The following RALGPS2 variants were observed in gnomAD, a reference collection of about 807,000 sequenced individuals.
RALGPS2 encodes Ral GEF with PH domain and SH3 binding motif 2, also known as ras-specific guanine nucleotide-releasing factor RalGPS2.
In RALGPS2, 43 loss-of-function variants were observed where a neutral mutation model predicts 86.8. The observed-to-expected ratio is 0.50, with a 90% confidence interval of 0.39 to 0.64. RALGPS2 has a LOEUF of 0.64. Ranked by LOEUF, RALGPS2 falls within the 30% of genes least tolerant of loss-of-function variation. The pLI, the probability that RALGPS2 is intolerant of heterozygous loss-of-function variation, is 0.00. For synonymous variants in RALGPS2, 243 were observed against 231.3 expected, an observed-to-expected ratio of 1.05 and a Z score of -0.46; for missense variants, 536 against 694.6, an observed-to-expected ratio of 0.77 and a Z score of 2.57.
At chr1:178,872,969 G>A (rs1053402792) in intron 8 of RALGPS2, among the ~76,000 whole-genome samples, 4 of 152,128 alleles carry the variant, frequency 2.6e-5, no homozygotes, top group African/African-American at 9.7e-5. Flanking sequence ...GAAGGTTAAT[G>A]ACAGACCATG....
Position 178,851,227 on chromosome 1 carries a change from A to G in RALGPS2, c.607+17677A>G, listed in dbSNP as rs770034835. 7.4e-6 allele frequency: 12 copies of G among 1,614,020 alleles called. No homozygotes were observed. The East Asian group carries it at 2.5e-4, about 33-fold the overall frequency. ...ATTCCATCTTGGTGCTTGCTTCTGT[A>G]ATGGCCTCCTCTGTACCATACTCCA... On this transcript the variant is annotated intron_variant, in intron 8 of 19. Transcript: ENST00000367635.
chr1:178,767,976 A>G (rs1652596635), intron 1 of RALGPS2, among the ~76,000 whole-genome samples: 1 of 152,160 alleles, frequency 6.6e-6, no homozygotes, highest in Non-Finnish European at 1.5e-5. Context: ...TCCTGGGCTC[A>G]TAGCGATTCC....
At chr1:178,863,338 A>G (rs750159379) in intron 8 of RALGPS2, among the ~76,000 whole-genome samples, 4 of 152,244 alleles carry the variant, frequency 2.6e-5, no homozygotes, top group Admixed American at 6.5e-5. Flanking sequence ...AAATGGTGAA[A>G]AGACAGTTAA....
rs1195146197 is a variant in RALGPS2 at position 178,857,148 on chromosome 1, A to C, written c.608-20350A>C. ...TGGGAGTGAGATGGAAGGAAAAGTA[A>C]ATTATGACTCCCAGGTTCATACTTA... On this transcript the variant is annotated intron_variant, in intron 8 of 19. Coordinates refer to ENST00000367635, the MANE Select transcript of RALGPS2 (RefSeq NM_152663.5). Among the ~76,000 whole-genome samples the C allele has an allele frequency of 3.3e-5, 5 of 152,190 alleles. No homozygotes were observed. The East Asian group carries it at 9.6e-4, about 29-fold the overall frequency.
At chr1:178,853,559 G>A (rs764481679) in intron 8 of RALGPS2, 1 of 1,467,944 alleles carries the variant, frequency 6.8e-7, no homozygotes, top group East Asian at 2.5e-5. Context: ...GAATGGATTT[G>A]TTTTACTTCC....
In RALGPS2 at chr1:178,918,173, GT is replaced by G. The variant is rs1312303696; in HGVS notation, c.*1817del. 2.0e-5 allele frequency: 3 copies of G among 152,120 alleles called. No individual in the cohort carries two copies. The highest frequency in any genetic ancestry group is 1.3e-4 in the Admixed American group (2 of 15,276). 9.4% of individuals were successfully genotyped at this position (152,120 alleles called of 1,614,324 possible). ...GTGACACAGGCTGGAGAGGACAAAA[GT>G]TTCCTGTCCTGAATGATTTTTCAAT... On this transcript the variant is annotated 3_prime_UTR_variant, in exon 20 of 20. Transcript: ENST00000367635.
At chr1:178,760,767 G>T (rs1200466220) in intron 1 of RALGPS2, among the ~76,000 whole-genome samples, 2 of 150,650 alleles carry the variant, frequency 1.3e-5, no homozygotes, top group Non-Finnish European at 2.9e-5. Flanking sequence ...GATATGCCTT[G>T]GTGATGTTCA....
intron 1 of RALGPS2, among the ~76,000 whole-genome samples, chr1:178,759,479 C>T (rs1368991210): frequency 6.8e-6 from 1 of 147,766 alleles, no homozygotes; most frequent in Admixed American, 6.7e-5. Flanking sequence ...GTTACTGTAA[C>T]TCTATAGTAT....
intron 8 of RALGPS2, among the ~76,000 whole-genome samples, chr1:178,859,907 C>T (rs532944110): frequency 5.5e-5 from 8 of 146,150 alleles, no homozygotes; most frequent in African/African-American, 1.8e-4. Context: ...TTGGTAGAGA[C>T]GGGGTTTCGC....
At chr1:178,833,348 T>C in intron 7 of RALGPS2, 76 bp from the exon 8 acceptor site, 4 of 1,308,408 alleles carry the variant, frequency 3.1e-6, no homozygotes, top group Non-Finnish European at 4.0e-6. Flanking sequence ...TCACAGTAAA[T>C]ACAACTTCAG....
chr1:178,811,687 T>C (rs971136897), intron 6 of RALGPS2, among the ~76,000 whole-genome samples: 2 of 152,186 alleles, frequency 1.3e-5, no homozygotes, highest in African/African-American at 4.8e-5. Context: ...TATGGTAAAG[T>C]ATGATATTTA....
At chr1:178,817,825 T>C (rs1273493090) in intron 6 of RALGPS2, among the ~76,000 whole-genome samples, 1 of 152,248 alleles carries the variant, frequency 6.6e-6, no homozygotes, top group Non-Finnish European at 1.5e-5. Flanking sequence ...TTGTATATCA[T>C]TATTTCTAAT....
chr1:178,802,054 G>C (rs1259098932), intron 4 of RALGPS2, among the ~76,000 whole-genome samples: 1 of 152,072 alleles, frequency 6.6e-6, no homozygotes, highest in East Asian at 1.9e-4. Context: ...ACCCTTGAAT[G>C]TCTCTGGAGT....
rs958133326 is a variant in RALGPS2 at position 178,920,030 on chromosome 1, G to C, written c.*3671G>C. On this transcript the variant is annotated 3_prime_UTR_variant, in exon 20 of 20. Coordinates refer to ENST00000367635, the MANE Select transcript of RALGPS2 (RefSeq NM_152663.5). Reference sequence around the variant, plus strand: ...TATGACTTCTTTAGTGACCTTTTAGGGTTTGCTTTTATTTTCCTCTCTTTT... The same window carrying C: ...TATGACTTCTTTAGTGACCTTTTAGCGTTTGCTTTTATTTTCCTCTCTTTT... 5 of 151,548 alleles carry C rather than the reference G, an allele frequency of 3.3e-5. No individual in the cohort carries two copies. Among genetic ancestry groups the C allele is most frequent in the African/African-American group, 1.2e-4 (5 of 41,306 alleles). The allele number at this position is 151,548 out of a possible 1,614,324, so 9.4% of individuals were successfully genotyped here.
chr1:178,894,549 G>C (rs1317703940), intron 16 of RALGPS2, among the ~76,000 whole-genome samples: 1 of 152,048 alleles, frequency 6.6e-6, no homozygotes, highest in Non-Finnish European at 1.5e-5. Flanking sequence ...GACAAAGAAA[G>C]GGAAGATTAT....
chr1:178,791,130 T>C (rs1234950288), intron 4 of RALGPS2, among the ~76,000 whole-genome samples: 1 of 152,128 alleles, frequency 6.6e-6, no homozygotes, highest in Non-Finnish European at 1.5e-5. Context: ...TTGTTTTTGT[T>C]TGTTTTTTGA....
chr1:178,803,396 AATT>A (rs569997424), intron 4 of RALGPS2, among the ~76,000 whole-genome samples: 33 of 152,236 alleles, frequency 2.2e-4, no homozygotes, highest in African/African-American at 7.5e-4. Flanking sequence ...TAAGTTTTGT[AATT>A]ATAGTAATTG....
At chr1:178,805,659 G>A (rs372586355) in intron 4 of RALGPS2, among the ~76,000 whole-genome samples, 36 of 151,952 alleles carry the variant, frequency 2.4e-4, no homozygotes, top group African/African-American at 7.7e-4. Context: ...ACTTTTCCTT[G>A]ATTTTTCTAT....
At chr1:178,834,145 T>C (rs1479419432) in intron 8 of RALGPS2, among the ~76,000 whole-genome samples, 2 of 152,202 alleles carry the variant, frequency 1.3e-5, no homozygotes, top group East Asian at 3.8e-4. Flanking sequence ...TGAATAATGC[T>C]TTGTTAGGTG....
Sources: allele counts gnomAD v4.1 joint callset (sites outside exome capture counted in the v4.1 genomes callset), GRCh38; gene constraint gnomAD v4.1.1; transcripts MANE v1.5; gene names NCBI Gene and HGNC (gene_info 2026-07-23, HGNC 2026-07-21).